KCNIP1: variants seen among roughly 807,000 people sequenced by gnomAD.
The protein encoded by KCNIP1 is potassium voltage-gated channel interacting protein 1.
In KCNIP1, 18 loss-of-function variants were observed where a neutral mutation model predicts 33.0. That is an observed-to-expected ratio of 0.55 (90% confidence interval 0.38 to 0.81). The LOEUF is 0.81. Ranked by LOEUF, KCNIP1 falls within the 30% of genes least tolerant of loss-of-function variation. The probability of loss-of-function intolerance (pLI) is 0.00; values close to 1 mark genes in which losing one functional copy is unlikely to be tolerated. For synonymous variants in KCNIP1, 93 were observed against 98.3 expected (o/e 0.95, Z 0.32); for missense variants, 238 against 271.6 (o/e 0.88, Z 0.87).
chr5:170,424,104 T>C (rs1755560955), intron 1 of KCNIP1, among the ~76,000 whole-genome samples: 1 of 152,236 alleles, frequency 6.6e-6, no homozygotes, highest in African/African-American at 2.4e-5. Flanking sequence ...AAAGCAGCAC[T>C]GGCTCTTTTT....
intron 1 of KCNIP1, among the ~76,000 whole-genome samples, chr5:170,388,387 C>T (rs914521206): frequency 1.3e-5 from 2 of 152,154 alleles, no homozygotes; most frequent in Non-Finnish European, 2.9e-5. Flanking sequence ...TGTCAATATC[C>T]CCCAAGGGAC....
In KCNIP1 at chr5:170,504,744, C is replaced by A; in HGVS notation, c.61+111C>A. The A allele has an allele frequency of 1.1e-6, 1 of 874,408 alleles. No homozygotes were observed. 54.2% of individuals were successfully genotyped at this position (874,408 alleles called of 1,614,324 possible). On this transcript the variant is annotated intron_variant, in intron 1 of 7. Transcript: ENST00000328939. The surrounding 1 kb of genome is among the most constrained non-coding windows in gnomAD (Gnocchi z 6.0). ...TCCGGACTCTCCTCTCCACGAGGAG[C>A]CCGGACAGGTGCTTGTATCCAAAGG...
intron 1 of KCNIP1, among the ~76,000 whole-genome samples, chr5:170,494,708 G>A (rs1324658888): frequency 2.0e-5 from 3 of 152,158 alleles, no homozygotes; most frequent in African/African-American, 7.2e-5. Context: ...CTGGGAGGGA[G>A]GATGACAGGC....
intron 1 of KCNIP1, among the ~76,000 whole-genome samples, chr5:170,674,163 G>C (rs1265448777): frequency 1.1e-5 from 1 of 88,720 alleles, no homozygotes; most frequent in Non-Finnish European, 2.2e-5. Context: ...AAGGAAGGAA[G>C]GAAGGAAGGA....
intron 1 of KCNIP1, among the ~76,000 whole-genome samples, chr5:170,478,175 G>A (rs1172678245): frequency 2.6e-5 from 4 of 152,208 alleles, no homozygotes; most frequent in African/African-American, 4.8e-5. Context: ...GGCCTGGGGC[G>A]GGAAGGGGCA....
At chr5:170,716,498 C>T (rs1322331354) in intron 1 of KCNIP1, among the ~76,000 whole-genome samples, 1 of 152,138 alleles carries the variant, frequency 6.6e-6, no homozygotes, top group Non-Finnish European at 1.5e-5. Flanking sequence ...CTTCCACAAC[C>T]GATGTTACCA....
chr5:170,657,822 A>C (rs1561746517), intron 1 of KCNIP1, among the ~76,000 whole-genome samples: 2 of 152,224 alleles, frequency 1.3e-5, no homozygotes, highest in Non-Finnish European at 2.9e-5. Context: ...TCAGCCACTC[A>C]GCAAACTTTG....
chr5:170,730,846 A>T (rs1176525487), intron 5 of KCNIP1, among the ~76,000 whole-genome samples: 2 of 152,192 alleles, frequency 1.3e-5, no homozygotes, highest in Non-Finnish European at 2.9e-5. Flanking sequence ...GCTTAAAAAA[A>T]AAAAACTGCA....
intron 7 of KCNIP1, 102 bp from the exon 8 acceptor site, chr5:170,735,657 C>T: frequency 2.0e-6 from 2 of 990,218 alleles, no homozygotes; most frequent in Non-Finnish European, 3.2e-6. Context: ...GTAGAGTTTT[C>T]TCCATATAGG....
At chr5:170,419,060 A>C (rs147337820) in intron 1 of KCNIP1, among the ~76,000 whole-genome samples, 230 of 152,366 alleles carry the variant, frequency 1.5e-3, no homozygotes, top group African/African-American at 4.9e-3. Context: ...GAACAGGTGC[A>C]AAGTCTACGT....
At chr5:170,440,607 G>A (rs1755966640) in intron 1 of KCNIP1, among the ~76,000 whole-genome samples, 1 of 152,178 alleles carries the variant, frequency 6.6e-6, no homozygotes, top group East Asian at 1.9e-4. Flanking sequence ...GTGTTTCATG[G>A]CTGAGTGAAG....
At chr5:170,551,162 T>G (rs1442881091) in intron 1 of KCNIP1, among the ~76,000 whole-genome samples, 1 of 152,224 alleles carries the variant, frequency 6.6e-6, no homozygotes, top group African/African-American at 2.4e-5. Flanking sequence ...TAGCAAGACA[T>G]GTACTCATCC....
intron 1 of KCNIP1, among the ~76,000 whole-genome samples, chr5:170,396,039 C>G (rs904921736): frequency 5.3e-5 from 8 of 152,210 alleles, no homozygotes; most frequent in African/African-American, 1.9e-4. Flanking sequence ...AGTAGCTATA[C>G]TGTGGAAATC....
At chr5:170,651,872 G>A (rs1275200205) in intron 1 of KCNIP1, among the ~76,000 whole-genome samples, 1 of 152,134 alleles carries the variant, frequency 6.6e-6, no homozygotes, top group Non-Finnish European at 1.5e-5. Context: ...GATATATATC[G>A]TATTGCAATA....
At chr5:170,647,243 TAAC>T (rs1287126260) in intron 1 of KCNIP1, among the ~76,000 whole-genome samples, 4 of 152,132 alleles carry the variant, frequency 2.6e-5, no homozygotes, top group Non-Finnish European at 5.9e-5. Context: ...TAGCAACTAT[TAAC>T]AAATTATTTT....
At chr5:170,562,187 A>C (rs954850839) in intron 1 of KCNIP1, among the ~76,000 whole-genome samples, 1 of 152,246 alleles carries the variant, frequency 6.6e-6, no homozygotes, top group Admixed American at 6.5e-5. Flanking sequence ...TCTTGGAGGA[A>C]GTCAAATAGA....
chr5:170,487,415 C>T (rs865867115), intron 1 of KCNIP1, among the ~76,000 whole-genome samples: 6 of 152,000 alleles, frequency 3.9e-5, no homozygotes, highest in Non-Finnish European at 7.4e-5. Flanking sequence ...CAAAATTAAC[C>T]GACACAATTC....
intron 1 of KCNIP1, among the ~76,000 whole-genome samples, chr5:170,534,424 C>T (rs979547002): frequency 1.3e-5 from 2 of 151,184 alleles, no homozygotes; most frequent in Non-Finnish European, 2.9e-5. Context: ...CCAACGTGGG[C>T]AACAGAGTGA....
chr5:170,578,745 TAA>T (rs952708271), intron 1 of KCNIP1, among the ~76,000 whole-genome samples: 9 of 151,928 alleles, frequency 5.9e-5, no homozygotes, highest in African/African-American at 2.2e-4. Flanking sequence ...ATGGAAGAAA[TAA>T]AGAGGGTTGG....
Sources: allele counts gnomAD v4.1 joint callset (sites outside exome capture counted in the v4.1 genomes callset), GRCh38; gene constraint gnomAD v4.1.1; non-coding constraint Gnocchi (gnomAD v3.1); transcripts MANE v1.5; gene names NCBI Gene and HGNC (gene_info 2026-07-23, HGNC 2026-07-21).